Variants in AGK observed in about 807,000 individuals in gnomAD.
AGK encodes the protein acylglycerol kinase, mitochondrial.
In AGK, 52 loss-of-function variants were observed where a neutral mutation model predicts 66.4. That is an observed-to-expected ratio of 0.78 (90% confidence interval 0.63 to 0.99). The LOEUF (loss-of-function observed/expected upper bound fraction) is 0.99. Among genes scored for constraint, AGK ranks in the 50% least tolerant of loss-of-function variants. AGK has a pLI of 0.00. For synonymous variants in AGK, 182 were observed against 181.1 expected (o/e 1.00, Z -0.04); for missense variants, 451 against 506.6 (o/e 0.89, Z 1.05).
intron 9 of AGK, among the ~76,000 whole-genome samples, chr7:141,623,333 C>T (rs1410893622): frequency 2.7e-5 from 4 of 148,068 alleles, no homozygotes; most frequent in African/African-American, 5.0e-5. Flanking sequence ...GAGCCGAGAT[C>T]GCGCCATTGC....
chr7:141,598,410 A>G lies in AGK; in HGVS notation c.221+1769A>G, dbSNP rs1796273072. On this transcript the variant is annotated intron_variant, in intron 4 of 15. Transcript: ENST00000649286. The surrounding 1 kb of genome is among the most constrained non-coding windows in gnomAD (Gnocchi z 4.2). Reference sequence around the variant, plus strand: ...CGTGGCTGAAGATAACAGAGAACTCAGCCTGGGTCTGGGAGTTTGAGGAAT... The same window carrying G: ...CGTGGCTGAAGATAACAGAGAACTCGGCCTGGGTCTGGGAGTTTGAGGAAT... Among the ~76,000 whole-genome samples, 1 of 152,212 alleles carries G rather than the reference A, an allele frequency of 6.6e-6. No homozygotes were observed. The highest frequency in any genetic ancestry group is 1.5e-5 in the Non-Finnish European group (1 of 68,036).
intron 13 of AGK, among the ~76,000 whole-genome samples, chr7:141,646,367 C>T (rs1484734531): frequency 6.6e-6 from 1 of 151,834 alleles, no homozygotes; most frequent in Non-Finnish European, 1.5e-5. Flanking sequence ...AGTTCGTGTT[C>T]AAACCAATTA....
chr7:141,572,900 T>C (rs1241801528), intron 2 of AGK, among the ~76,000 whole-genome samples: 2 of 152,198 alleles, frequency 1.3e-5, no homozygotes, highest in Non-Finnish European at 2.9e-5. Context: ...ATGGTTTCAA[T>C]AATGGTTTGT....
At chr7:141,588,089 G>A (rs967694506) in intron 2 of AGK, among the ~76,000 whole-genome samples, 1 of 152,174 alleles carries the variant, frequency 6.6e-6, no homozygotes, top group Admixed American at 6.5e-5. Flanking sequence ...TTATGTGAGT[G>A]TGAATATAAA....
chr7:141,561,624 T>C (rs927666048), intron 2 of AGK, among the ~76,000 whole-genome samples: 1 of 152,076 alleles, frequency 6.6e-6, no homozygotes, highest in Non-Finnish European at 1.5e-5. Flanking sequence ...ATTTTTTTTT[T>C]CTTGCTGATT....
chr7:141,583,362 G>C (rs545973175), intron 2 of AGK, among the ~76,000 whole-genome samples: 8 of 149,848 alleles, frequency 5.3e-5, no homozygotes, highest in Non-Finnish European at 8.9e-5. Flanking sequence ...GAAGGGGTGG[G>C]GGTGCTTGCC....
At chr7:141,591,358 G>C (rs375988685) in intron 2 of AGK, among the ~76,000 whole-genome samples, 7 of 152,184 alleles carry the variant, frequency 4.6e-5, no homozygotes, top group African/African-American at 1.4e-4. Context: ...CTCCCAAAGT[G>C]CTAAGATTAC....
intron 8 of AGK, among the ~76,000 whole-genome samples, chr7:141,618,441 G>A (rs34647747): frequency 0.05 from 7,670 of 152,206 alleles, 338 homozygotes; most frequent in South Asian, 0.12. Context: ...AAAAGCTAAA[G>A]TAGGTCTATT....
intron 2 of AGK, among the ~76,000 whole-genome samples, chr7:141,575,567 A>T (rs1341159459): frequency 6.6e-6 from 1 of 150,954 alleles, no homozygotes; most frequent in African/African-American, 2.4e-5. Flanking sequence ...CAAGCATTGG[A>T]CTAGATAATT....
In AGK at chr7:141,651,648, C is replaced by A. The variant is rs754379799; in HGVS notation, c.1131+39C>A. On this transcript the variant is annotated intron_variant, in intron 15 of 15. Transcript: ENST00000649286. ...GGGTCGGTAGTCACAGCATTTGATT[C>A]GTTCGTCATCGGCCTGCCCCTCTGT... is the stretch of plus-strand genomic sequence containing the variant. 2.5e-6 allele frequency: 4 copies of A among 1,569,020 alleles called. 1 individual carries two copies. The South Asian group carries it at 3.3e-5, about 13-fold the overall frequency.
In AGK at chr7:141,598,967, A is replaced by C. The variant is rs116372118; in HGVS notation, c.222-2238A>C. On this transcript the variant is annotated intron_variant, in intron 4 of 15. Transcript: ENST00000649286. The surrounding 1 kb of genome is among the most constrained non-coding windows in gnomAD (Gnocchi z 4.2). ...AATATATTTGCATTTTTAAAGGTAG[A>C]TTCTTGTTTAAAACTATAACATCTT... The C allele has an allele frequency of 6.6e-6, 1 of 152,128 alleles. No individual in the cohort carries two copies. The highest frequency in any genetic ancestry group is 1.9e-4 in the East Asian group (1 of 5,198). 9.4% of individuals were successfully genotyped at this position (152,128 alleles called of 1,614,324 possible).
At chr7:141,651,722 T>A in intron 15 of AGK, 113 bp downstream of exon 15, 4 of 990,960 alleles carry the variant, frequency 4.0e-6, no homozygotes, top group Non-Finnish European at 6.3e-6. Flanking sequence ...TAGGCACATA[T>A]TGTGTGCCAA....
Position 141,601,217 on chromosome 7 carries a change from T to C in AGK, c.234T>C (p.Thr78=). Residue 78 remains threonine, a synonymous_variant, in exon 5 of 16, where the codon ACT becomes ACC. Coordinates refer to ENST00000649286, the MANE Select transcript of AGK (RefSeq NM_018238.4). ...CCTTTGTTAACAGAAAAGCCAGGAC[T>C]CTATTTGAAAAAAATGCTGCCCCGA... ...NPAACKGKAR[T]LFEKNAAPIL... 1 of 1,612,416 alleles carries C rather than the reference T, an allele frequency of 6.2e-7. No homozygotes were observed. Among genetic ancestry groups the C allele is most frequent in the Non-Finnish European group, 8.5e-7 (1 of 1,178,910 alleles).
chr7:141,595,465 T>G (rs1490930951), intron 3 of AGK, among the ~76,000 whole-genome samples: 1 of 152,050 alleles, frequency 6.6e-6, no homozygotes, highest in Non-Finnish European at 1.5e-5. Flanking sequence ...AAAAAAGTAT[T>G]TTTGTTTTTG....
chr7:141,610,945 G>A (rs1796572437), intron 5 of AGK, among the ~76,000 whole-genome samples: 1 of 152,126 alleles, frequency 6.6e-6, no homozygotes, highest in Non-Finnish European at 1.5e-5. Flanking sequence ...ACAAATTATT[G>A]GGTTTGAATT....
At chr7:141,652,598 G>A in intron 15 of AGK, 189 bp from the exon 16 acceptor site, 1 of 461,434 alleles carries the variant, frequency 2.2e-6, no homozygotes, top group Non-Finnish European at 3.8e-6. Flanking sequence ...GAATTAGGAT[G>A]TTTCCAGAAC....
chr7:141,598,419 C>A lies in AGK; in HGVS notation c.221+1778C>A, dbSNP rs1444401742. 6.6e-6 allele frequency among the ~76,000 whole-genome samples: 1 copy of A among 152,068 alleles called. No individual in the cohort carries two copies. ...AGATAACAGAGAACTCAGCCTGGGT[C>A]TGGGAGTTTGAGGAATCTGGTCTGT... On this transcript the variant is annotated intron_variant, in intron 4 of 15. Coordinates refer to ENST00000649286, the MANE Select transcript of AGK (RefSeq NM_018238.4). The surrounding 1 kb of genome is among the most constrained non-coding windows in gnomAD (Gnocchi z 4.2).
Position 141,593,201 on chromosome 7 carries a change from G to T in AGK, c.141+16G>T. 1 of 1,608,180 alleles carries T rather than the reference G, an allele frequency of 6.2e-7. No individual in the cohort carries two copies. Among genetic ancestry groups the T allele is most frequent in the South Asian group, 1.1e-5 (1 of 90,934 alleles). On this transcript the variant is annotated intron_variant, in intron 3 of 15. Coordinates refer to ENST00000649286, the MANE Select transcript of AGK (RefSeq NM_018238.4). ...AGAAGCTCAGGTAATACTACTTAAT[G>T]TGATAAAATTAAGCCCCTCCTTATC...
In AGK at chr7:141,593,682, T is replaced by C. The variant is rs564849791; in HGVS notation, c.141+497T>C. Reference sequence around the variant, plus strand: ...GAGATTTTACTTAAATATTCATTTATATGGCTAATTATAGCTGGATTATAA... The same window carrying C: ...GAGATTTTACTTAAATATTCATTTACATGGCTAATTATAGCTGGATTATAA... On this transcript the variant is annotated intron_variant, in intron 3 of 15. Transcript: ENST00000649286. 24 of 300,098 alleles carry C rather than the reference T, an allele frequency of 8.0e-5. No individual in the cohort carries two copies. The South Asian group carries it at 1.9e-3, about 24-fold the overall frequency. 18.6% of individuals were successfully genotyped at this position (300,098 alleles called of 1,614,324 possible).
Sources: gnomAD v4.1 joint callset for allele counts (sites outside exome capture counted in the v4.1 genomes callset) on GRCh38, gnomAD v4.1.1 for gene constraint, Gnocchi (gnomAD v3.1) non-coding constraint, MANE v1.5 for transcripts, NCBI Gene and HGNC (gene_info 2026-07-23, HGNC 2026-07-21) for gene names.